Variants in SMG5 observed in about 807,000 individuals in gnomAD.
SMG5 encodes nonsense-mediated mRNA decay factor SMG5.
SMG5 carries 53 observed loss-of-function variants against 122.9 expected under a neutral mutation model. The observed-to-expected ratio is 0.43, with a 90% CI of 0.35 to 0.54. The LOEUF is 0.54. Ranked by LOEUF, SMG5 falls within the 20% of genes least tolerant of loss-of-function variation. The probability of loss-of-function intolerance (pLI) is 0.01; values close to 1 mark genes in which losing one functional copy is unlikely to be tolerated. For synonymous variants in SMG5, 477 were observed against 490.2 expected, an observed-to-expected ratio of 0.97 and a Z score of 0.35; for missense variants, 1,153 against 1,285.6, an observed-to-expected ratio of 0.90 and a Z score of 1.58.
chr1:156,284,564 A>G (rs568707443), upstream of SMG5, among the ~76,000 whole-genome samples: 1 of 152,270 alleles, frequency 6.6e-6, no homozygotes, highest in South Asian at 2.1e-4. Context: ...AGACCTAAAT[A>G]TCAGAATAGC....
At chr1:156,266,782 C>A in intron 10 of SMG5, 104 bp from the exon 11 acceptor site, 1 of 1,231,658 alleles carries the variant, frequency 8.1e-7, no homozygotes, top group Non-Finnish European at 1.1e-6. Flanking sequence ...TCCAAGGATC[C>A]AACTACTTAT....
At chr1:156,285,108 A>T (rs1663111338), upstream of SMG5, 1 of 1,299,346 alleles carries the variant, frequency 7.7e-7, no homozygotes, top group South Asian at 1.8e-5. Context: ...TGCCCTGGAG[A>T]GTATGAGTTC....
Position 156,251,339 on chromosome 1 carries a change from G to A in SMG5, c.2828+64C>T. Reference sequence around the variant, plus strand: ...TATCCAGCCCTACCCGTTCTCCCTAGGAATGCTCGTGGAGGAGCAAGGCAG... The same window carrying A: ...TATCCAGCCCTACCCGTTCTCCCTAAGAATGCTCGTGGAGGAGCAAGGCAG... On this transcript the variant is annotated intron_variant, in intron 20 of 21. Transcript: ENST00000361813. The A allele has an allele frequency of 2.6e-6, 4 of 1,567,674 alleles. No individual in the cohort carries two copies. In the South Asian group the frequency reaches 4.4e-5, roughly 17 times the overall value.
intron 13 of SMG5, among the ~76,000 whole-genome samples, chr1:156,262,721 G>C (rs1661911418): frequency 6.6e-6 from 1 of 152,144 alleles, no homozygotes; most frequent in African/African-American, 2.4e-5. Flanking sequence ...TCAGACATAA[G>C]CACACACCCA....
chr1:156,279,087 G>A (rs1474902061), intron 1 of SMG5, 53 bp from the exon 2 acceptor site: 4 of 1,443,400 alleles, frequency 2.8e-6, no homozygotes, highest in African/African-American at 1.4e-5. Flanking sequence ...GGTCCACAGA[G>A]GATGACGCTG....
At position 156,267,532 on chromosome 1, in the gene SMG5, T is replaced by A. The variant is rs754713255; in HGVS notation, c.1055A>T (p.Asp352Val). ...EYESGYAFLPDLLIFQMVIIC... is the reference protein window; with the variant it reads ...EYESGYAFLPVLLIFQMVIIC... ...GATGACCATTTGAAAGATGAGAAGGTCCGGGAGGAAAGCATATCCACTCTC... is the reference window on the plus strand; with the variant it reads ...GATGACCATTTGAAAGATGAGAAGGACCGGGAGGAAAGCATATCCACTCTC... The change falls in exon 10 of 22, where the codon GAC (aspartate) becomes GTC (valine). Residue 352 changes from aspartate (D) to valine (V), a missense_variant. Around this residue, in one of 5 missense-constraint regions of SMG5, gnomAD observed 631 missense variants for 650.6 expected, o/e 0.97. Transcript: ENST00000361813. The A allele has an allele frequency of 1.2e-5, 20 of 1,613,894 alleles. No homozygotes were observed. The Admixed American group carries it at 3.2e-4, about 26-fold the overall frequency.
chr1:156,258,403 G>A (rs1661672674), intron 16 of SMG5, among the ~76,000 whole-genome samples: 1 of 152,238 alleles, frequency 6.6e-6, no homozygotes, highest in Admixed American at 6.5e-5. Flanking sequence ...GGCGTGGTGA[G>A]GTTAAGTGAC....
At chr1:156,257,839 TGAA>T (rs1368278413) in intron 16 of SMG5, among the ~76,000 whole-genome samples, 4 of 152,056 alleles carry the variant, frequency 2.6e-5, no homozygotes, top group Non-Finnish European at 5.9e-5. Flanking sequence ...TGGCTTGAGA[TGAA>T]GAAGAAACCC....
chr1:156,282,137 A>G (rs1040659946), intron 1 of SMG5, among the ~76,000 whole-genome samples: 2 of 152,160 alleles, frequency 1.3e-5, no homozygotes, highest in African/African-American at 4.8e-5. Flanking sequence ...TTTAAGGATA[A>G]GGAAACTGAG....
intron 16 of SMG5, among the ~76,000 whole-genome samples, chr1:156,257,554 G>A (rs1344859587): frequency 6.6e-6 from 1 of 152,124 alleles, no homozygotes; most frequent in African/African-American, 2.4e-5. Context: ...GGAAATGCCT[G>A]CAAAAACTCC....
chr1:156,283,935 G>A (rs2101584476), upstream of SMG5, among the ~76,000 whole-genome samples: 1 of 152,240 alleles, frequency 6.6e-6, no homozygotes, highest in East Asian at 1.9e-4. Flanking sequence ...GCTTCTCAAG[G>A]GCAGAGACCT....
chr1:156,262,305 G>A (rs571460207), intron 13 of SMG5, among the ~76,000 whole-genome samples: 3 of 151,622 alleles, frequency 2.0e-5, no homozygotes, highest in African/African-American at 4.8e-5. Context: ...ATGGTGAAAC[G>A]CCGTCTCTAC....
chr1:156,279,893 C>G (rs1662854664), intron 1 of SMG5, among the ~76,000 whole-genome samples: 1 of 152,144 alleles, frequency 6.6e-6, no homozygotes, highest in Non-Finnish European at 1.5e-5. Flanking sequence ...GGATTCAAAT[C>G]TTAGCTCTAC....
upstream of SMG5, chr1:156,285,878 G>T (rs201964963): frequency 3.2e-5 from 51 of 1,613,758 alleles, no homozygotes; most frequent in Non-Finnish European, 4.2e-5. Context: ...ACTATACGGG[G>T]CATATGCCTT....
At chr1:156,253,554 C>T in intron 16 of SMG5, 46 bp from the exon 17 acceptor site, 1 of 1,583,308 alleles carries the variant, frequency 6.3e-7, no homozygotes, top group Non-Finnish European at 8.7e-7. Context: ...TGTATTTTCC[C>T]TTCTCCAGTG....
chr1:156,261,485 C>A lies in SMG5; in HGVS notation c.2032-77G>T, dbSNP rs1572579405. ...ACAGCAGTGAGCAAGGAAAGCACCA[C>A]CCTGAGGGATCTGGCCTATGTTCAG... On this transcript the variant is annotated intron_variant, in intron 13 of 21. Coordinates refer to ENST00000361813, the MANE Select transcript of SMG5 (RefSeq NM_015327.3). The A allele has an allele frequency of 9.1e-5, 111 of 1,213,982 alleles. 1 individual carries two copies. Among genetic ancestry groups the A allele is most frequent in the Non-Finnish European group, 1.3e-4 (109 of 821,308 alleles). The allele number at this position is 1,213,982 out of a possible 1,614,324, so 75.2% of individuals were successfully genotyped here.
At position 156,277,998 on chromosome 1, in the gene SMG5, C is replaced by G; in HGVS notation, c.224G>C (p.Gly75Ala). The change falls in exon 3 of 22, where the codon GGG becomes GCG. Residue 75 changes from glycine (G) to alanine (A), a missense_variant. Around this residue, in one of 5 missense-constraint regions of SMG5, gnomAD observed 213 missense variants for 197.5 expected, o/e 1.08. Coordinates refer to ENST00000361813, the MANE Select transcript of SMG5 (RefSeq NM_015327.3). ...KLMFLHPVDY[G>A]RKAEELLWRK... is the part of the protein sequence containing the mutation. The stretch of plus-strand genomic sequence containing the variant: ...CCACAGCAGCTCCTCAGCCTTTCTC[C>G]CATAGTCCACTGGGTGCAGGAACAT... The G allele has an allele frequency of 6.2e-7, 1 of 1,614,160 alleles. No individual in the cohort carries two copies. Among genetic ancestry groups the G allele is most frequent in the South Asian group, 1.1e-5 (1 of 91,092 alleles).
At chr1:156,253,140 G>A (rs1007241553) in intron 17 of SMG5, 62 bp from the exon 18 acceptor site, 2 of 1,497,194 alleles carry the variant, frequency 1.3e-6, no homozygotes, top group African/African-American at 1.4e-5. Context: ...GCCGGGGGAA[G>A]AGTGGTGCTC....
Position 156,250,071 on chromosome 1 carries a change from A to G in SMG5, c.*516T>C. On this transcript the variant is annotated 3_prime_UTR_variant, in exon 22 of 22. Transcript: ENST00000361813. ...CTCCAGAGCTGCCTGGTCCCCATAAAGGGGGCTGAAAGGAGGATGGGTGAT... is the reference window on the plus strand; with the variant it reads ...CTCCAGAGCTGCCTGGTCCCCATAAGGGGGGCTGAAAGGAGGATGGGTGAT... 2.5e-6 allele frequency: 1 copy of G among 395,376 alleles called. No individual in the cohort carries two copies. The highest frequency in any genetic ancestry group is 1.9e-5 in the South Asian group (1 of 52,242). 24.5% of individuals were successfully genotyped at this position (395,376 alleles called of 1,614,324 possible).
Sources: allele counts gnomAD v4.1 joint callset (sites outside exome capture counted in the v4.1 genomes callset), GRCh38; gene constraint gnomAD v4.1.1; regional missense constraint gnomAD v4.1.1; transcripts MANE v1.5; gene names NCBI Gene and HGNC (gene_info 2026-07-23, HGNC 2026-07-21).